Variants in FHIT observed in about 807,000 individuals in gnomAD.
FHIT encodes the protein fragile histidine triad diadenosine triphosphatase, also known as bis(5'-adenosyl)-triphosphatase.
In FHIT, 19 loss-of-function variants were observed where a neutral mutation model predicts 17.9. The ratio of observed to expected loss-of-function variants is 1.06; its 90% CI spans 0.74 to 1.56. FHIT has a LOEUF of 1.56. Ranked by LOEUF, FHIT falls within the 40% of genes most tolerant of loss-of-function variation. The pLI is 0.00. For missense variants in FHIT, 248 were observed against 189.2 expected, an observed-to-expected ratio of 1.31 and a Z score of -1.82; for synonymous variants, 81 against 69.7, an observed-to-expected ratio of 1.16 and a Z score of -0.81.
chr3:60,756,919 T>C (rs1362711258), intron 4 of FHIT, among the ~76,000 whole-genome samples: 1 of 152,156 alleles, frequency 6.6e-6, no homozygotes, highest in East Asian at 1.9e-4. Context: ...TAATTAGCTC[T>C]GCTGTGAAAC....
chr3:61,194,758 G>A (rs1347605722), intron 2 of FHIT, among the ~76,000 whole-genome samples: 3 of 152,176 alleles, frequency 2.0e-5, no homozygotes, highest in Non-Finnish European at 4.4e-5. Flanking sequence ...TATGTAAAGT[G>A]AAAATGTTCT....
At chr3:60,530,510 G>A (rs769660088) in intron 5 of FHIT, among the ~76,000 whole-genome samples, 2 of 152,264 alleles carry the variant, frequency 1.3e-5, no homozygotes, top group South Asian at 4.2e-4. Context: ...AAAGATGTCA[G>A]TCTCGGCTCC....
chr3:60,096,070 A>G (rs540251581), intron 5 of FHIT, among the ~76,000 whole-genome samples: 1 of 152,338 alleles, frequency 6.6e-6, no homozygotes, highest in Non-Finnish European at 1.5e-5. Context: ...ACCTCTGGCC[A>G]GTGACACCCT....
At chr3:60,211,222 AG>A (rs1703438489) in intron 5 of FHIT, among the ~76,000 whole-genome samples, 1 of 152,002 alleles carries the variant, frequency 6.6e-6, no homozygotes, top group Admixed American at 6.6e-5. Flanking sequence ...TTTCAAAGAA[AG>A]GATGGAACAC....
intron 8 of FHIT, among the ~76,000 whole-genome samples, chr3:59,917,291 A>G (rs1705178401): frequency 6.6e-6 from 1 of 152,242 alleles, no homozygotes; most frequent in Non-Finnish European, 1.5e-5. Flanking sequence ...CACTTCCTTC[A>G]TCAGTAATGG....
chr3:60,774,597 G>A (rs1700157931), intron 4 of FHIT, among the ~76,000 whole-genome samples: 1 of 152,102 alleles, frequency 6.6e-6, no homozygotes, highest in African/African-American at 2.4e-5. Flanking sequence ...ACTGTGCTTG[G>A]CCAAAATTTA....
intron 3 of FHIT, among the ~76,000 whole-genome samples, chr3:60,967,771 C>G (rs1709817080): frequency 6.6e-6 from 1 of 152,156 alleles, no homozygotes; most frequent in Non-Finnish European, 1.5e-5. Context: ...ATGCATTACA[C>G]TAGACTTTCA....
intron 5 of FHIT, among the ~76,000 whole-genome samples, chr3:60,378,932 A>C (rs1371193962): frequency 6.6e-6 from 1 of 152,238 alleles, no homozygotes; most frequent in African/African-American, 2.4e-5. Flanking sequence ...AGGAGAATAT[A>C]GCCCGTTGCA....
chr3:61,001,517 A>T (rs762033064), intron 3 of FHIT, among the ~76,000 whole-genome samples: 4 of 152,232 alleles, frequency 2.6e-5, no homozygotes, highest in Non-Finnish European at 5.9e-5. Flanking sequence ...GATGAATATC[A>T]AGGAAATTAT....
In FHIT at chr3:59,917,693, G is replaced by C. The variant is rs147053143; in HGVS notation, c.348+4653C>G. ...TCAGCAGACAATCTGCTTTGGAAGG[G>C]GGAGAGTTTGAGCTCAGTTTTGAGA... On this transcript the variant is annotated intron_variant, in intron 8 of 9. Transcript: ENST00000492590. Among the ~76,000 whole-genome samples the C allele has an allele frequency of 5.3e-4, 81 of 152,312 alleles. 1 individual carries two copies. Among genetic ancestry groups the C allele is most frequent in the African/African-American group, 1.8e-3 (76 of 41,570 alleles).
intron 2 of FHIT, among the ~76,000 whole-genome samples, chr3:61,181,367 G>T (rs1313705795): frequency 6.6e-6 from 1 of 152,140 alleles, no homozygotes; most frequent in African/African-American, 2.4e-5. Context: ...TTAACTTTGT[G>T]TAGTAATATC....
At chr3:60,249,277 G>T (rs1380197991) in intron 5 of FHIT, among the ~76,000 whole-genome samples, 2 of 152,122 alleles carry the variant, frequency 1.3e-5, no homozygotes, top group East Asian at 1.9e-4. Context: ...TTGGGGGAAT[G>T]AACTATTACT....
rs187020990 is a variant in FHIT, at chr3:61,204,615, C to G, written c.-212-3950G>C. On this transcript the variant is annotated intron_variant, in intron 1 of 9. Transcript: ENST00000492590. ...GTGTCAGGAATCAGGGTAAGTACATCTGTTAAAATTTTATCAAAACGAATG... is the reference window on the plus strand; with the variant it reads ...GTGTCAGGAATCAGGGTAAGTACATGTGTTAAAATTTTATCAAAACGAATG... 2.1e-4 allele frequency among the ~76,000 whole-genome samples: 31 copies of G among 144,342 alleles called. No individual in the cohort carries two copies. In the East Asian group the frequency reaches 5.0e-3, roughly 23 times the overall value. The allele number at this position is 144,342 out of a possible 152,430, so 94.7% of individuals were successfully genotyped here. A position where few individuals can be genotyped will look rare whatever the true frequency, so the allele number is the denominator to read the frequency against.
chr3:60,173,915 A>ATTTTTTTT lies in FHIT; in HGVS notation c.104-159764_104-159763insAAAAAAAA. On this transcript the variant is annotated intron_variant, in intron 5 of 9. Coordinates refer to ENST00000492590, the MANE Select transcript of FHIT (RefSeq NM_002012.4). ...TATATATATATATATATATATATAT[A>ATTTTTTTT]TGTTTTTTTTTTTTTTTGAGATCGA... Among the ~76,000 whole-genome samples, 267 of 66,398 alleles carry ATTTTTTTT rather than the reference A, an allele frequency of 4.0e-3. 13 individuals are homozygous for ATTTTTTTT. The highest frequency in any genetic ancestry group is 0.017 in the Middle Eastern group (2 of 120). 43.6% of individuals were successfully genotyped at this position (66,398 alleles called of 152,430 possible). A position where few individuals can be genotyped will look rare whatever the true frequency, so the allele number is the denominator to read the frequency against.
At chr3:59,816,444 TAAAAG>T (rs1272757626) in intron 8 of FHIT, among the ~76,000 whole-genome samples, 2 of 152,176 alleles carry the variant, frequency 1.3e-5, no homozygotes, top group Admixed American at 1.3e-4. Context: ...TGATTGGAGA[TAAAAG>T]AAGGAACATT....
At chr3:60,921,589 T>C (rs1707284094) in intron 3 of FHIT, among the ~76,000 whole-genome samples, 1 of 152,218 alleles carries the variant, frequency 6.6e-6, no homozygotes, top group African/African-American at 2.4e-5. Context: ...TTTTAAAATG[T>C]CAAATCCTTT....
At chr3:60,301,182 C>T (rs991634588) in intron 5 of FHIT, among the ~76,000 whole-genome samples, 2 of 152,012 alleles carry the variant, frequency 1.3e-5, no homozygotes, top group African/African-American at 2.4e-5. Flanking sequence ...CACTTTAATA[C>T]CTTTATAGTC....
chr3:60,782,234 T>TA (rs1553725869), intron 4 of FHIT, among the ~76,000 whole-genome samples: 5 of 62,604 alleles, frequency 8.0e-5, no homozygotes, highest in Non-Finnish European at 1.4e-4. Flanking sequence ...TGTGTGTGTG[T>TA]GTGTATATAT....
chr3:60,380,825 A>G (rs1186837842), intron 5 of FHIT, among the ~76,000 whole-genome samples: 1 of 152,180 alleles, frequency 6.6e-6, no homozygotes, highest in Non-Finnish European at 1.5e-5. Flanking sequence ...AGGTTATTCT[A>G]CCAGTGAATA....
Sources: gnomAD v4.1 joint callset for allele counts (sites outside exome capture counted in the v4.1 genomes callset) on GRCh38, gnomAD v4.1.1 for gene constraint, MANE v1.5 for transcripts, NCBI Gene and HGNC (gene_info 2026-07-23, HGNC 2026-07-21) for gene names.